MACF1: variants seen among roughly 807,000 people sequenced by gnomAD.
MACF1 encodes the protein microtubule actin crosslinking factor 1.
Under a neutral mutation model 854.8 loss-of-function variants are expected in MACF1, and 193 were observed. The observed-to-expected ratio is 0.23, with a 90% CI of 0.20 to 0.25. The LOEUF is 0.25. Ranked by LOEUF, MACF1 falls within the 10% of genes least tolerant of loss-of-function variation. The pLI, the probability that MACF1 is intolerant of heterozygous loss-of-function variation, is 1.00. For missense variants in MACF1, 7,722 were observed against 8,929.1 expected (o/e 0.86, Z 5.45); for synonymous variants, 3,185 against 3,226.7 (o/e 0.99, Z 0.44).
chr1:39,295,147 G>T lies in MACF1; in HGVS notation c.2256G>T (p.Val752=). The T allele has an allele frequency of 6.2e-7, 1 of 1,613,134 alleles. No individual in the cohort carries two copies. Among genetic ancestry groups the T allele is most frequent in the Non-Finnish European group, 8.5e-7 (1 of 1,179,134 alleles). Residue 752 remains valine (V), a synonymous_variant, in exon 19 of 101, where the codon GTG becomes GTT. Coordinates refer to ENST00000564288, the MANE Select transcript of MACF1 (RefSeq NM_001394062.1). The part of the protein sequence containing the change: ...SLENHPAKQT[V]EAYSAAVQSQ... ...AGAACCACCCAGCCAAGCAGACAGT[G>T]GAGGTGTGTGACTTGAGAATGTGTG...
chr1:39,216,621 A>C (rs1414886867), intron 1 of MACF1, among the ~76,000 whole-genome samples: 1 of 152,076 alleles, frequency 6.6e-6, no homozygotes, highest in Non-Finnish European at 1.5e-5. Context: ...TTTTGAGGAA[A>C]AAAAGCTGCC....
chr1:39,173,097 T>A (rs564955086), intron 2 of MACF1, among the ~76,000 whole-genome samples: 13 of 151,996 alleles, frequency 8.6e-5, no homozygotes, highest in Non-Finnish European at 1.6e-4. Flanking sequence ...ATCCCAGCAC[T>A]TTGGGAGGCC....
intron 68 of MACF1, 24 bp from the exon 69 acceptor site, chr1:39,434,390 T>C: frequency 1.1e-6 from 1 of 917,014 alleles, no homozygotes; most frequent in Non-Finnish European, 1.5e-6. Context: ...CTTATCCTTT[T>C]TTTTTTTTTT....
chr1:39,380,501 C>T (rs1650083845), intron 55 of MACF1, 128 bp downstream of exon 55: 1 of 875,722 alleles, frequency 1.1e-6, no homozygotes, highest in Non-Finnish European at 1.7e-6. Flanking sequence ...AATTAGGATC[C>T]AGATAGGGCC....
intron 18 of MACF1, among the ~76,000 whole-genome samples, chr1:39,293,966 C>A (rs1164161189): frequency 1.3e-5 from 2 of 152,066 alleles, no homozygotes; most frequent in Admixed American, 1.3e-4. Context: ...AGCTCTATAA[C>A]CTTGGGAAGT....
chr1:39,110,743 C>A (rs1451501812), intron 2 of MACF1, among the ~76,000 whole-genome samples: 2 of 152,170 alleles, frequency 1.3e-5, no homozygotes, highest in African/African-American at 4.8e-5. Flanking sequence ...GCTAACAGTG[C>A]TTATGGGAGC....
chr1:39,348,083 G>A (rs1647096866), intron 41 of MACF1, among the ~76,000 whole-genome samples: 1 of 152,158 alleles, frequency 6.6e-6, no homozygotes, highest in African/African-American at 2.4e-5. Flanking sequence ...TAAATGTTGT[G>A]CAAAAAATTG....
At chr1:39,314,542 TTCTCTTTCTCTC>T (rs1646369995) in intron 26 of MACF1, among the ~76,000 whole-genome samples, 1 of 132,332 alleles carries the variant, frequency 7.6e-6, no homozygotes, top group African/African-American at 2.9e-5. Flanking sequence ...ATCTCTCAAT[TTCTCTTTCTCTC>T]TCTCTCTCTC....
intron 43 of MACF1, among the ~76,000 whole-genome samples, chr1:39,351,927 A>C (rs1400242181): frequency 6.6e-6 from 1 of 152,114 alleles, no homozygotes; most frequent in African/African-American, 2.4e-5. Flanking sequence ...TGGTGATCTA[A>C]GAGTACTAGG....
chr1:39,112,952 C>CA (rs1263738324), intron 2 of MACF1, among the ~76,000 whole-genome samples: 2 of 151,834 alleles, frequency 1.3e-5, no homozygotes, highest in African/African-American at 4.8e-5. Context: ...CACTGTACTC[C>CA]AACCTAGGCT....
At chr1:39,364,791 C>T (rs1488954763) in intron 49 of MACF1, among the ~76,000 whole-genome samples, 1 of 151,968 alleles carries the variant, frequency 6.6e-6, no homozygotes, top group Non-Finnish European at 1.5e-5. Flanking sequence ...CGCGCCCGGC[C>T]GTAAATGTGG....
intron 2 of MACF1, among the ~76,000 whole-genome samples, chr1:39,106,013 C>A (rs1642225020): frequency 6.6e-6 from 1 of 152,176 alleles, no homozygotes; most frequent in Non-Finnish European, 1.5e-5. Flanking sequence ...GACCGGCCGC[C>A]GTGGGGAGTT....
intron 6 of MACF1, chr1:39,268,553 A>T: frequency 8.6e-7 from 1 of 1,157,544 alleles, no homozygotes; most frequent in Non-Finnish European, 1.1e-6. Context: ...AGAGGCGGGG[A>T]GGGAGGGAGA....
chr1:39,454,883 G>A (rs1361067735), intron 88 of MACF1, 26 bp from the exon 89 acceptor site: 2 of 1,596,348 alleles, frequency 1.3e-6, no homozygotes, highest in Admixed American at 3.5e-5. Flanking sequence ...ACTGAAAGAG[G>A]CCATGGTTTC....
chr1:39,361,217 A>AAGGTG (rs1025448576), intron 48 of MACF1, 143 bp from the exon 49 acceptor site: 43 of 862,682 alleles, frequency 5.0e-5, no homozygotes, highest in Non-Finnish European at 2.9e-5. Context: ...GTGGAGAACT[A>AAGGTG]AGGTGATGAG....
At chr1:39,106,037 A>G (rs1642226582) in intron 2 of MACF1, among the ~76,000 whole-genome samples, 1 of 152,010 alleles carries the variant, frequency 6.6e-6, no homozygotes, top group Non-Finnish European at 1.5e-5. Context: ...GGGGAGGAGG[A>G]GGAGGAGGAG....
At chr1:39,209,522 C>G (rs1026803939) in intron 1 of MACF1, among the ~76,000 whole-genome samples, 2 of 152,098 alleles carry the variant, frequency 1.3e-5, no homozygotes, top group African/African-American at 4.8e-5. Flanking sequence ...ATAATATGAT[C>G]TTTTAAAGTT....
intron 2 of MACF1, among the ~76,000 whole-genome samples, chr1:39,194,686 C>T (rs1489083301): frequency 3.5e-5 from 5 of 141,938 alleles, no homozygotes; most frequent in Non-Finnish European, 6.2e-5. Context: ...CCCCTCCCCT[C>T]CCCTCCCCTC....
intron 2 of MACF1, among the ~76,000 whole-genome samples, chr1:39,111,531 C>T (rs536253224): frequency 6.6e-6 from 1 of 151,966 alleles, no homozygotes; most frequent in Admixed American, 6.6e-5. Context: ...TACAGGCGCC[C>T]ACCACACACC....
Sources: gnomAD v4.1 joint callset for allele counts (sites outside exome capture counted in the v4.1 genomes callset) on GRCh38, gnomAD v4.1.1 for gene constraint, MANE v1.5 for transcripts, NCBI Gene and HGNC (gene_info 2026-07-23, HGNC 2026-07-21) for gene names.